HIBADH: variants seen among roughly 807,000 people sequenced by gnomAD.
HIBADH encodes 3-hydroxyisobutyrate dehydrogenase, mitochondrial.
HIBADH carries 25 observed loss-of-function variants against 36.1 expected under a neutral mutation model. The ratio of observed to expected loss-of-function variants is 0.69; its 90% CI spans 0.50 to 0.97. The LOEUF is 0.97. Among genes scored for constraint, HIBADH ranks in the 50% least tolerant of loss-of-function variants. The pLI is 0.00. For synonymous variants in HIBADH, 160 were observed against 149.5 expected, an observed-to-expected ratio of 1.07 and a Z score of -0.51; for missense variants, 421 against 418.0, an observed-to-expected ratio of 1.01 and a Z score of -0.06.
intron 4 of HIBADH, among the ~76,000 whole-genome samples, chr7:27,614,527 T>C (rs1583598454): frequency 6.6e-6 from 1 of 152,202 alleles, no homozygotes; most frequent in Non-Finnish European, 1.5e-5. Flanking sequence ...ATTGGAGATA[T>C]AAAATTAAAT....
intron 7 of HIBADH, among the ~76,000 whole-genome samples, chr7:27,527,329 T>A (rs1391599005): frequency 6.6e-6 from 1 of 152,142 alleles, no homozygotes. Flanking sequence ...TGCTTTGATA[T>A]GGAAAATAAA....
chr7:27,568,916 T>C (rs199833474), intron 4 of HIBADH, among the ~76,000 whole-genome samples: 3 of 102,176 alleles, frequency 2.9e-5, no homozygotes, highest in African/African-American at 4.5e-5. Context: ...TTTTTTTTTT[T>C]CCAAATTTTT....
intron 4 of HIBADH, among the ~76,000 whole-genome samples, chr7:27,572,077 TG>T (rs778989307): frequency 1.0e-3 from 154 of 152,314 alleles, no homozygotes; most frequent in Admixed American, 1.9e-3. Flanking sequence ...TCTCACTTTG[TG>T]TGAGCATAGG....
chr7:27,538,407 A>C lies in HIBADH; in HGVS notation c.629T>G (p.Ile210Ser). 1 of 1,612,756 alleles carries C rather than the reference A, an allele frequency of 6.2e-7. No individual in the cohort carries two copies. The highest frequency in any genetic ancestry group is 8.5e-7 in the Non-Finnish European group (1 of 1,179,158). Residue 210 changes from isoleucine to serine, a missense_variant, in exon 6 of 8, where the codon ATC (isoleucine) becomes AGC (serine). Transcript: ENST00000265395. ...AATAGCTAACAGCATGTTGTTGCAG[A>C]TCTTTGCCGCCTGAAAATAAATTGA... is the stretch of plus-strand genomic sequence containing the variant. ...GAVGTGQAAK[I>S]CNNMLLAISM...
chr7:27,649,782 C>CAAGT, intron 1 of HIBADH, 149 bp from the exon 2 acceptor site: 1 of 615,788 alleles, frequency 1.6e-6, no homozygotes, highest in Non-Finnish European at 2.5e-6. Context: ...CCTATAATCC[C>CAAGT]AGCTACTTGG....
chr7:27,646,850 C>A (rs544205818), intron 2 of HIBADH, among the ~76,000 whole-genome samples: 1 of 151,956 alleles, frequency 6.6e-6, no homozygotes, highest in Non-Finnish European at 1.5e-5. Context: ...CACACGCCAC[C>A]GCGCCTGGCT....
intron 6 of HIBADH, among the ~76,000 whole-genome samples, chr7:27,537,024 C>T (rs962465043): frequency 1.3e-5 from 2 of 152,122 alleles, no homozygotes; most frequent in African/African-American, 4.8e-5. Flanking sequence ...TTTCCTCTTC[C>T]ATGAAATTAG....
intron 4 of HIBADH, among the ~76,000 whole-genome samples, chr7:27,549,779 A>C (rs1583564225): frequency 6.6e-6 from 1 of 152,222 alleles, no homozygotes; most frequent in East Asian, 1.9e-4. Context: ...CATTTATGCT[A>C]ATCTGTCTCC....
chr7:27,605,722 TAG>T (rs1785213236), intron 4 of HIBADH, among the ~76,000 whole-genome samples: 1 of 152,022 alleles, frequency 6.6e-6, no homozygotes, highest in Non-Finnish European at 1.5e-5. Flanking sequence ...AACAAATATT[TAG>T]AGTTTAGAAA....
intron 1 of HIBADH, among the ~76,000 whole-genome samples, chr7:27,658,421 T>C (rs1786347228): frequency 6.6e-6 from 1 of 152,200 alleles, no homozygotes; most frequent in African/African-American, 2.4e-5. Flanking sequence ...TGGCAAAGTT[T>C]GTTTCTAAAT....
At chr7:27,598,393 G>T (rs1389799058) in intron 4 of HIBADH, among the ~76,000 whole-genome samples, 1 of 151,998 alleles carries the variant, frequency 6.6e-6, no homozygotes, top group African/African-American at 2.4e-5. Flanking sequence ...TCTACCATTT[G>T]TTTTATTTTA....
intron 7 of HIBADH, among the ~76,000 whole-genome samples, chr7:27,528,834 T>C (rs933391137): frequency 1.4e-4 from 21 of 152,018 alleles, no homozygotes; most frequent in African/African-American, 4.8e-4. Context: ...TTGGAAGATA[T>C]CATCTAGGAC....
chr7:27,622,392 C>A (rs984610331), intron 4 of HIBADH, among the ~76,000 whole-genome samples: 1 of 151,942 alleles, frequency 6.6e-6, no homozygotes, highest in African/African-American at 2.4e-5. Flanking sequence ...GCCCAAAGAT[C>A]ATAACATAAC....
At chr7:27,645,417 G>A (rs1291004397) in intron 2 of HIBADH, among the ~76,000 whole-genome samples, 2 of 107,698 alleles carry the variant, frequency 1.9e-5, no homozygotes, top group Admixed American at 1.4e-4. Flanking sequence ...TTACTCTGTC[G>A]CCCAGGCTGG....
intron 4 of HIBADH, among the ~76,000 whole-genome samples, chr7:27,568,575 G>A (rs911845492): frequency 1.5e-4 from 23 of 151,740 alleles, no homozygotes; most frequent in African/African-American, 3.1e-4. Context: ...CTCATGCCTC[G>A]GCCTCCCAAG....
intron 4 of HIBADH, among the ~76,000 whole-genome samples, chr7:27,609,181 T>C (rs767815073): frequency 6.6e-6 from 1 of 152,212 alleles, no homozygotes; most frequent in African/African-American, 2.4e-5. Flanking sequence ...CTCTAACACA[T>C]TCTTCTGTAA....
chr7:27,538,504 G>C, intron 5 of HIBADH, 87 bp from the exon 6 acceptor site: 1 of 1,063,850 alleles, frequency 9.4e-7, no homozygotes, highest in Non-Finnish European at 1.4e-6. Flanking sequence ...TCCAGGGGCT[G>C]CTTTCTAAAA....
At chr7:27,526,405 A>T in intron 7 of HIBADH, 33 bp from the exon 8 acceptor site, 1 of 1,576,934 alleles carries the variant, frequency 6.3e-7, no homozygotes, top group Non-Finnish European at 8.6e-7. Context: ...ACACGCTGAG[A>T]CTGGTGGTAA....
At position 27,609,809 on chromosome 7, in the gene HIBADH, A is replaced by T. The variant is rs181406639; in HGVS notation, c.484+19562T>A. Among the ~76,000 whole-genome samples the T allele has an allele frequency of 1.4e-3, 220 of 152,154 alleles. 1 individual carries two copies. The highest frequency in any genetic ancestry group is 5.1e-3 in the African/African-American group (210 of 41,534). ...GTTGCTAATTAAAAAGTAAGTTTTT[A>T]AAAATTTATTTATTTATTTATTTTT... On this transcript the variant is annotated intron_variant, in intron 4 of 7. Coordinates refer to ENST00000265395, the MANE Select transcript of HIBADH (RefSeq NM_152740.4).
Sources: gnomAD v4.1 joint callset for allele counts (sites outside exome capture counted in the v4.1 genomes callset) on GRCh38, gnomAD v4.1.1 for gene constraint, MANE v1.5 for transcripts, NCBI Gene and HGNC (gene_info 2026-07-23, HGNC 2026-07-21) for gene names.